CDHR5: variants seen among roughly 807,000 people sequenced by gnomAD.
The protein encoded by CDHR5 is cadherin-related family member 5.
A neutral mutation model predicts 69.5 loss-of-function variants in CDHR5; 82 were observed. That is an observed-to-expected ratio of 1.18 (90% confidence interval 0.99 to 1.42). The LOEUF (loss-of-function observed/expected upper bound fraction) is 1.42, where lower values mean the gene tolerates loss of function less well. Ranked by LOEUF, CDHR5 falls within the 40% of genes most tolerant of loss-of-function variation. The pLI is 0.00. For missense variants in CDHR5, 1,293 were observed against 1,168.9 expected (o/e 1.11, Z -1.55); for synonymous variants, 601 against 510.2 (o/e 1.18, Z -2.40).
intron 9 of CDHR5, 62 bp downstream of exon 9, chr11:620,005 C>A: frequency 8.1e-7 from 1 of 1,239,246 alleles, no homozygotes; most frequent in Non-Finnish European, 1.1e-6. Flanking sequence ...CAGCCCTGAC[C>A]CCCCGCCCTA....
In CDHR5 at chr11:617,451, A is replaced by G. The variant is rs1251397148; in HGVS notation, c.2438T>C (p.Val813Ala). ...VVVLNAPTLDVDGASDSGSGD... is the reference protein window; with the variant it reads ...VVVLNAPTLDADGASDSGSGD... The stretch of plus-strand genomic sequence containing the variant: ...GCTGCCGGAGTCACTGGCGCCATCC[A>G]CGTCCAGGGTGGGCGCGTTGAGAAC... The change falls in exon 15 of 15, where the codon GTG becomes GCG. Residue 813 changes from valine to alanine, a missense_variant. Transcript: ENST00000397542. The G allele has an allele frequency of 1.2e-6, 2 of 1,612,398 alleles. No individual in the cohort carries two copies. The highest frequency in any genetic ancestry group is 1.7e-6 in the Non-Finnish European group (2 of 1,179,674).
Position 616,988 on chromosome 11 carries a change from A to C in CDHR5, c.*363T>G, listed in dbSNP as rs1438486080. ...GTCTGAGATGAGCCGGGTGCCTGAG[A>C]TCTCCGGTGCAGGTCGGGGGAGGGG... On this transcript the variant is annotated 3_prime_UTR_variant, in exon 15 of 15. Coordinates refer to ENST00000397542, the MANE Select transcript of CDHR5 (RefSeq NM_021924.5). 2 of 273,092 alleles carry C rather than the reference A, an allele frequency of 7.3e-6. No individual in the cohort carries two copies. The highest frequency in any genetic ancestry group is 2.2e-5 in the African/African-American group (1 of 44,544). 16.9% of individuals were successfully genotyped at this position (273,092 alleles called of 1,614,324 possible).
rs201430704 is a variant in CDHR5, at chr11:620,167, G to A, written c.881-3C>T. 5.0e-6 allele frequency: 8 copies of A among 1,613,066 alleles called. No homozygotes were observed. Reference sequence around the variant, plus strand: ...GATGAATGTACCATTCACGTTTCCTGGGAGGATGATGGAAGTGCTCAGCCC... The same window carrying A: ...GATGAATGTACCATTCACGTTTCCTAGGAGGATGATGGAAGTGCTCAGCCC... On this transcript the variant is annotated splice_polypyrimidine_tract_variant and splice_region_variant and intron_variant, in intron 8 of 14. Transcript: ENST00000397542.
rs34449380 is a variant in CDHR5, at chr11:617,221, T to G, written c.*130A>C. On this transcript the variant is annotated 3_prime_UTR_variant, in exon 15 of 15. Coordinates refer to ENST00000397542, the MANE Select transcript of CDHR5 (RefSeq NM_021924.5). The stretch of plus-strand genomic sequence containing the variant: ...GGGGACTGAGTGAATGGGACCCCCA[T>G]GGACCCGCGCGCCTGCCCCACGCCA... 180,024 of 687,422 alleles carry G rather than the reference T, an allele frequency of 0.26. 27,786 individuals are homozygous for G. The highest frequency in any genetic ancestry group is 0.52 in the African/African-American group (28,265 of 54,862). 42.6% of individuals were successfully genotyped at this position (687,422 alleles called of 1,614,324 possible).
chr11:619,347 A>G lies in CDHR5; in HGVS notation c.1337T>C (p.Val446Ala). 6.2e-7 allele frequency: 1 copy of G among 1,613,494 alleles called. No individual in the cohort carries two copies. Among genetic ancestry groups the G allele is most frequent in the Non-Finnish European group, 8.5e-7 (1 of 1,179,766 alleles). ...NTVTSGTATT[V>A]IEIQVSEQEP... ...CTGTTCGGAAACTTGTATCTCAATG[A>G]CTGTGGTTGCGGTGCCAGAGGTCAC... Residue 446 changes from valine to alanine, a missense_variant, in exon 12 of 15, where the codon GTC becomes GCC. By Grantham distance (64) the Val-to-Ala change is moderately conservative (BLOSUM62 0). Coordinates refer to ENST00000397542, the MANE Select transcript of CDHR5 (RefSeq NM_021924.5).
chr11:623,625 T>G (rs1458304517), intron 3 of CDHR5, among the ~76,000 whole-genome samples: 1 of 151,316 alleles, frequency 6.6e-6, no homozygotes, highest in Non-Finnish European at 1.5e-5. Flanking sequence ...GCACAGTATG[T>G]CTGGGTTTGA....
chr11:617,006 G>A lies in CDHR5; in HGVS notation c.*345C>T, dbSNP rs1339609425. ...GCCTGAGATCTCCGGTGCAGGTCGGGGGAGGGGAGCCCCCCTCGGGCTGTG... is the reference window on the plus strand; with the variant it reads ...GCCTGAGATCTCCGGTGCAGGTCGGAGGAGGGGAGCCCCCCTCGGGCTGTG... On this transcript the variant is annotated 3_prime_UTR_variant, in exon 15 of 15. Coordinates refer to ENST00000397542, the MANE Select transcript of CDHR5 (RefSeq NM_021924.5). 6.2e-6 allele frequency: 2 copies of A among 321,380 alleles called. No individual in the cohort carries two copies. Among genetic ancestry groups the A allele is most frequent in the Non-Finnish European group, 1.2e-5 (2 of 172,674 alleles). 19.9% of individuals were successfully genotyped at this position (321,380 alleles called of 1,614,324 possible). A position where few individuals can be genotyped will look rare whatever the true frequency, so the allele number is the denominator to read the frequency against.
rs1455812123 is a variant in CDHR5, at chr11:619,742, A to G, written c.1118T>C (p.Val373Ala). Residue 373 changes from valine to alanine, a missense_variant, in exon 10 of 15, where the codon GTC becomes GCC. Coordinates refer to ENST00000397542, the MANE Select transcript of CDHR5 (RefSeq NM_021924.5). ...CTGAGAAGGGGCAGCTGCATCCTTGACCACAACGCCCGCTCCAGCGCCACG... is the reference window on the plus strand; with the variant it reads ...CTGAGAAGGGGCAGCTGCATCCTTGGCCACAACGCCCGCTCCAGCGCCACG... Reference protein sequence around the residue: ...VARGAGAGVVVKDAAAPSQPL... With the variant: ...VARGAGAGVVAKDAAAPSQPL... The G allele has an allele frequency of 6.2e-7, 1 of 1,612,344 alleles. No homozygotes were observed. Among genetic ancestry groups the G allele is most frequent in the Admixed American group, 1.7e-5 (1 of 59,980 alleles).
chr11:623,342 C>T (rs1354403523), intron 3 of CDHR5, among the ~76,000 whole-genome samples: 1 of 152,076 alleles, frequency 6.6e-6, no homozygotes, highest in South Asian at 2.1e-4. Flanking sequence ...AGACATATCC[C>T]AAGATATGTG....
rs1020362486 is a variant in CDHR5, at chr11:619,405, G to C, written c.1294-15C>G. 2 of 1,611,388 alleles carry C rather than the reference G, an allele frequency of 1.2e-6. No homozygotes were observed. The highest frequency in any genetic ancestry group is 1.3e-5 in the African/African-American group (1 of 74,838). Reference sequence around the variant, plus strand: ...TGGGCCTCAACCTGGGGCAGGAAGGGGCTTGTCCCTCCTAGACACATCTTT... The same window carrying C: ...TGGGCCTCAACCTGGGGCAGGAAGGCGCTTGTCCCTCCTAGACACATCTTT... On this transcript the variant is annotated splice_polypyrimidine_tract_variant and intron_variant, in intron 11 of 14. Coordinates refer to ENST00000397542, the MANE Select transcript of CDHR5 (RefSeq NM_021924.5).
chr11:623,394 G>C (rs1373327922), intron 3 of CDHR5, among the ~76,000 whole-genome samples: 2 of 152,226 alleles, frequency 1.3e-5, no homozygotes, highest in Admixed American at 1.3e-4. Flanking sequence ...AGAGCCTGCT[G>C]TGTGCTGGTA....
At chr11:619,430 T>C (rs757859824) in intron 11 of CDHR5, 40 bp from the exon 12 acceptor site, 3 of 1,606,382 alleles carry the variant, frequency 1.9e-6, no homozygotes, top group South Asian at 2.2e-5. Context: ...GACACATCTT[T>C]AAGCCCCACA....
At chr11:623,298 G>C (rs1033728768) in intron 3 of CDHR5, among the ~76,000 whole-genome samples, 2 of 152,140 alleles carry the variant, frequency 1.3e-5, no homozygotes, top group Admixed American at 6.5e-5. Flanking sequence ...GACAGAGTGA[G>C]ACTCTGTCTC....
At position 624,101 on chromosome 11, in the gene CDHR5, G is replaced by A. The variant is rs1857572563; in HGVS notation, c.312+112C>T. 2 of 669,642 alleles carry A rather than the reference G, an allele frequency of 3.0e-6. No homozygotes were observed. The highest frequency in any genetic ancestry group is 5.5e-6 in the Non-Finnish European group (2 of 361,464). 41.5% of individuals were successfully genotyped at this position (669,642 alleles called of 1,614,324 possible). On this transcript the variant is annotated intron_variant, in intron 3 of 14. Coordinates refer to ENST00000397542, the MANE Select transcript of CDHR5 (RefSeq NM_021924.5). This position sits in a 1 kb window ranked among gnomAD's most constrained non-coding sequence, Gnocchi z 5.3. ...ATGTGGGCATCACCCTCGGGGGGGT[G>A]GAATTTGAAACCACACCCTAGCTGA...
chr11:617,400 C>G lies in CDHR5; in HGVS notation c.2489G>C (p.Arg830Thr). Reference sequence around the variant, plus strand: ...GGGCGCATCGTAGGGACCCCCACCCCTCCCCGCGCCCTCGCCCTCATCGCC... The same window carrying G: ...GGGCGCATCGTAGGGACCCCCACCCGTCCCCGCGCCCTCGCCCTCATCGCC... ...GSGDEGEGAG[R>T]GGGPYDAPGG... Residue 830 changes from arginine to threonine, a missense_variant, in exon 15 of 15, where the codon AGG becomes ACG. Transcript: ENST00000397542. The G allele has an allele frequency of 1.2e-6, 2 of 1,610,126 alleles. No individual in the cohort carries two copies. The highest frequency in any genetic ancestry group is 1.7e-6 in the Non-Finnish European group (2 of 1,178,480).
At position 621,066 on chromosome 11, in the gene CDHR5, T is replaced by A. The variant is rs1469416450; in HGVS notation, c.789+14A>T. 3.0e-6 allele frequency: 4 copies of A among 1,335,878 alleles called. No individual in the cohort carries two copies. Among genetic ancestry groups the A allele is most frequent in the Non-Finnish European group, 3.9e-6 (4 of 1,015,514 alleles). 82.8% of individuals were successfully genotyped at this position (1,335,878 alleles called of 1,614,324 possible). ...AAGGCCCTGCCCCGTGCACTGCCCC[T>A]CCCTCCCCATTACCAGTATGTGCCC... On this transcript the variant is annotated intron_variant, in intron 7 of 14. Transcript: ENST00000397542. This position sits in a 1 kb window ranked among gnomAD's most constrained non-coding sequence, Gnocchi z 4.4.
chr11:617,586 C>T lies in CDHR5; in HGVS notation c.2303G>A (p.Gly768Asp), dbSNP rs1418428085. ...APEPPAAARA[G>D]GSPTAVRSIL... is the part of the protein sequence containing the mutation. The stretch of plus-strand genomic sequence containing the variant: ...GGACCTCACCGCCGTGGGGCTTCCG[C>T]CAGCTCGGGCCGCTGCGGGGGGCTC... The change falls in exon 15 of 15, where the codon GGC becomes GAC. Residue 768 changes from glycine (G) to aspartate (D), a missense_variant. By Grantham distance (94) the Gly-to-Asp change is moderately conservative. Transcript: ENST00000397542. 2 of 1,609,694 alleles carry T rather than the reference C, an allele frequency of 1.2e-6. No individual in the cohort carries two copies. The highest frequency in any genetic ancestry group is 1.7e-6 in the Non-Finnish European group (2 of 1,178,412).
rs765691308 is a variant in CDHR5, at chr11:617,634, G to C, written c.2255C>G (p.Pro752Arg). 3.4e-5 allele frequency: 53 copies of C among 1,576,864 alleles called. No individual in the cohort carries two copies. Among genetic ancestry groups the C allele is most frequent in the Non-Finnish European group, 4.5e-5 (52 of 1,162,980 alleles). ...CTCAGGGGCACCGCCTGGGGAGGCA[G>C]GGCCGGGGGGTGCGGGCTCTGCGGG... ...PMPAEPAPPG[P>R]ASPGGAPEPP... The change falls in exon 15 of 15, where the codon CCT becomes CGT. Residue 752 changes from proline to arginine, a missense_variant. Physicochemically the swap from Pro to Arg is moderately radical, Grantham distance 103. Coordinates refer to ENST00000397542, the MANE Select transcript of CDHR5 (RefSeq NM_021924.5).
intron 3 of CDHR5, among the ~76,000 whole-genome samples, chr11:622,819 C>T (rs1019194794): frequency 3.9e-5 from 6 of 152,050 alleles, no homozygotes; most frequent in Non-Finnish European, 8.8e-5. Context: ...CGTTGTCACA[C>T]CTGGGAAAAG....
Sources: gnomAD v4.1 joint callset for allele counts (sites outside exome capture counted in the v4.1 genomes callset) on GRCh38, gnomAD v4.1.1 for gene constraint, Gnocchi (gnomAD v3.1) non-coding constraint, MANE v1.5 for transcripts, NCBI Gene and HGNC (gene_info 2026-07-23, HGNC 2026-07-21) for gene names.